Variants in FAM185A observed in about 807,000 individuals in gnomAD.
FAM185A encodes protein FAM185A.
A neutral mutation model predicts 45.7 loss-of-function variants in FAM185A; 21 were observed. The observed-to-expected ratio is 0.46, with a 90% CI of 0.33 to 0.66. The LOEUF (loss-of-function observed/expected upper bound fraction) is 0.66, where lower values mean the gene tolerates loss of function less well. Ranked by LOEUF, FAM185A falls within the 30% of genes least tolerant of loss-of-function variation. FAM185A has a pLI of 0.03. For missense variants in FAM185A, 305 were observed against 485.4 expected (o/e 0.63, Z 3.49); for synonymous variants, 117 against 194.0 (o/e 0.60, Z 3.30).
At chr7:102,785,271 T>C (rs1411876126) in intron 6 of FAM185A, among the ~76,000 whole-genome samples, 1 of 151,312 alleles carries the variant, frequency 6.6e-6, no homozygotes, top group Non-Finnish European at 1.5e-5. Flanking sequence ...AATTTATAGA[T>C]TCAATGCCAT....
At chr7:102,784,861 G>A (rs1374407373) in intron 6 of FAM185A, among the ~76,000 whole-genome samples, 6 of 152,230 alleles carry the variant, frequency 3.9e-5, no homozygotes, top group Middle Eastern at 3.4e-3. Context: ...AGAAATAAAG[G>A]GTATTCAATT....
intron 7 of FAM185A, among the ~76,000 whole-genome samples, chr7:102,789,068 C>T (rs1377814375): frequency 1.3e-5 from 2 of 152,154 alleles, no homozygotes; most frequent in Non-Finnish European, 2.9e-5. Flanking sequence ...AGTTAGGCTA[C>T]ACTAAATTTA....
chr7:102,837,636 G>A, the FAM185A span, among the ~76,000 whole-genome samples: 9 of 152,084 alleles, frequency 5.9e-5, no homozygotes, highest in Non-Finnish European at 1.0e-4. Flanking sequence ...GCTCACTGTA[G>A]CCTCAAATTC....
At chr7:102,809,691 A>C (rs2129444249), downstream of FAM185A, among the ~76,000 whole-genome samples, 1 of 152,208 alleles carries the variant, frequency 6.6e-6, no homozygotes, top group Non-Finnish European at 1.5e-5. Context: ...AACAGAGTGA[A>C]ACTCCGTCTC....
At chr7:102,767,077 T>G (rs1311966470) in intron 4 of FAM185A, among the ~76,000 whole-genome samples, 1 of 151,948 alleles carries the variant, frequency 6.6e-6, no homozygotes, top group Non-Finnish European at 1.5e-5. Context: ...ATTACAGGCA[T>G]GAGCCACCGC....
intron 4 of FAM185A, among the ~76,000 whole-genome samples, chr7:102,770,197 C>G (rs958061554): frequency 5.3e-5 from 8 of 151,614 alleles, no homozygotes; most frequent in African/African-American, 1.9e-4. Context: ...GGTTCTACCA[C>G]AGGTTGCTCT....
the FAM185A span, among the ~76,000 whole-genome samples, chr7:102,819,061 T>C: frequency 1.3e-5 from 2 of 152,194 alleles, no homozygotes; most frequent in African/African-American, 4.8e-5. Context: ...TATTTGGTTT[T>C]CTGTTCTTGG....
Position 102,749,311 on chromosome 7 carries a change from A to G in FAM185A, c.104A>G (p.Gln35Arg). The G allele has an allele frequency of 6.5e-7, 1 of 1,549,752 alleles. No homozygotes were observed. The highest frequency in any genetic ancestry group is 8.7e-7 in the Non-Finnish European group (1 of 1,146,762). The change falls in exon 1 of 8, where the codon CAA (glutamine) becomes CGA (arginine). Residue 35 changes from glutamine to arginine, a missense_variant. Physicochemically the swap from Gln to Arg is conservative, Grantham distance 43 (BLOSUM62 1). Coordinates refer to ENST00000413034, the MANE Select transcript of FAM185A (RefSeq NM_001145268.2). ...GAGRWACWAC[Q>R]ARPYSSGGSE... ...GGGCGCTGGGCTTGCTGGGCTTGCC[A>G]AGCCAGGCCGTACAGCTCAGGTGGG... is the stretch of plus-strand genomic sequence containing the variant.
the FAM185A span, among the ~76,000 whole-genome samples, chr7:102,849,397 T>C: frequency 1.3e-5 from 2 of 152,200 alleles, no homozygotes; most frequent in Non-Finnish European, 2.9e-5. Flanking sequence ...AACACTAAAA[T>C]GAGGTAATTT....
At chr7:102,812,413 T>C (rs192555372), downstream of FAM185A, among the ~76,000 whole-genome samples, 1 of 152,368 alleles carries the variant, frequency 6.6e-6, no homozygotes, top group East Asian at 1.9e-4. Flanking sequence ...TTCTGAGACA[T>C]TGCAGGGACA....
At chr7:102,835,856 G>A in the FAM185A span, among the ~76,000 whole-genome samples, 2,124 of 151,996 alleles carry the variant, frequency 0.014, 116 homozygotes, top group East Asian at 0.16. Flanking sequence ...TGATCCGCCC[G>A]CCTCGGCCTC....
chr7:102,781,986 G>T (rs1286866934), intron 6 of FAM185A, among the ~76,000 whole-genome samples: 1 of 152,186 alleles, frequency 6.6e-6, no homozygotes, highest in African/African-American at 2.4e-5. Flanking sequence ...GAAAACCAAG[G>T]CATGAGAACT....
rs1793208218 is a variant in FAM185A at position 102,749,494 on chromosome 7, CG to C, written c.289del (p.Asp97MetfsTer24). 2 of 1,531,736 alleles carry C rather than the reference CG, an allele frequency of 1.3e-6. No homozygotes were observed. The highest frequency in any genetic ancestry group is 1.8e-6 in the Non-Finnish European group (2 of 1,139,280). 94.9% of individuals were successfully genotyped at this position (1,531,736 alleles called of 1,614,324 possible). On this transcript the variant is annotated frameshift_variant, in exon 1 of 8. Transcript: ENST00000413034. LOFTEE classifies it high-confidence loss of function. Reference protein sequence around the residue: ...AVRPLDPLTYPDGDRVLVAVC... With the variant: ...AVRPLDPLTYXDGDRVLVAVC... Reference sequence around the variant, plus strand: ...AGGCCCCTGGACCCCCTCACCTACCCGGATGGCGACCGCGTGCTGGTCGCGG... The same window carrying C: ...AGGCCCCTGGACCCCCTCACCTACCCGATGGCGACCGCGTGCTGGTCGCGG...
intron 7 of FAM185A, among the ~76,000 whole-genome samples, chr7:102,796,343 T>C (rs993881616): frequency 2.0e-5 from 3 of 152,346 alleles, no homozygotes; most frequent in South Asian, 4.1e-4. Flanking sequence ...CAGGAGCAAT[T>C]TGGGGAGGTT....
In FAM185A at chr7:102,749,171, G is replaced by T. The variant is rs780926049; in HGVS notation, c.-37G>T. The T allele has an allele frequency of 3.9e-6, 6 of 1,550,990 alleles. No individual in the cohort carries two copies. In the South Asian group the frequency reaches 7.1e-5, roughly 18 times the overall value. On this transcript the variant is annotated 5_prime_UTR_variant, in exon 1 of 8. Coordinates refer to ENST00000413034, the MANE Select transcript of FAM185A (RefSeq NM_001145268.2). ...GCCGTGGCAAGTGACCCTCCCTGTG[G>T]CTGAAGTGTTCTGAGGACTGGCGAG...
the FAM185A span, among the ~76,000 whole-genome samples, chr7:102,815,182 T>C: frequency 6.6e-6 from 1 of 152,138 alleles, no homozygotes; most frequent in East Asian, 1.9e-4. Flanking sequence ...CAATCCAGCC[T>C]CCTTGGAAAT....
At chr7:102,806,373 C>T (rs1245941960) in intron 7 of FAM185A, among the ~76,000 whole-genome samples, 7 of 151,998 alleles carry the variant, frequency 4.6e-5, no homozygotes, top group African/African-American at 9.7e-5. Context: ...TTAGTAGAGA[C>T]GGGGTTTCAA....
chr7:102,751,580 C>T, intron 1 of FAM185A, 112 bp from the exon 2 acceptor site: 1 of 1,311,340 alleles, frequency 7.6e-7, no homozygotes, highest in East Asian at 2.8e-5. Context: ...TATGCACTTT[C>T]CAGGATTCAG....
At chr7:102,849,381 C>T in the FAM185A span, among the ~76,000 whole-genome samples, 1 of 152,144 alleles carries the variant, frequency 6.6e-6, no homozygotes, top group Admixed American at 6.5e-5. Flanking sequence ...GCTGTGGTTT[C>T]CACTAAACAC....
Sources: allele counts gnomAD v4.1 joint callset (sites outside exome capture counted in the v4.1 genomes callset), GRCh38; gene constraint gnomAD v4.1.1; transcripts MANE v1.5; gene names NCBI Gene and HGNC (gene_info 2026-07-23, HGNC 2026-07-21).